FRMD4A: variants seen among roughly 807,000 people sequenced by gnomAD.
FRMD4A encodes FERM domain-containing protein 4A.
A neutral mutation model predicts 129.1 loss-of-function variants in FRMD4A; 29 were observed. The ratio of observed to expected loss-of-function variants is 0.22; its 90% CI spans 0.17 to 0.31. FRMD4A has a LOEUF of 0.31. Ranked by LOEUF, FRMD4A falls within the 10% of genes least tolerant of loss-of-function variation. The probability of loss-of-function intolerance (pLI) is 1.00; values close to 1 mark genes in which losing one functional copy is unlikely to be tolerated. For synonymous variants in FRMD4A, 634 were observed against 571.6 expected, an observed-to-expected ratio of 1.11 and a Z score of -1.56; for missense variants, 1,272 against 1,375.8, an observed-to-expected ratio of 0.92 and a Z score of 1.19.
chr10:14,214,260 C>A (rs1334307674), intron 2 of FRMD4A, among the ~76,000 whole-genome samples: 1 of 152,214 alleles, frequency 6.6e-6, no homozygotes, highest in African/African-American at 2.4e-5. Context: ...CAGAGCCCAG[C>A]CTGCAGAACT....
At chr10:14,280,392 T>C (rs1164285040) in intron 2 of FRMD4A, among the ~76,000 whole-genome samples, 2 of 152,124 alleles carry the variant, frequency 1.3e-5, no homozygotes, top group East Asian at 3.9e-4. Flanking sequence ...GAGATCCTCC[T>C]GCTTCAGCCC....
At chr10:13,991,151 C>T (rs1424515339) in intron 2 of FRMD4A, among the ~76,000 whole-genome samples, 1 of 152,138 alleles carries the variant, frequency 6.6e-6, no homozygotes, top group Non-Finnish European at 1.5e-5. Context: ...TCCCAGGAAG[C>T]TATTGTTATT....
chr10:13,701,581 G>A, intron 13 of FRMD4A, 103 bp from the exon 14 acceptor site: 1 of 1,056,732 alleles, frequency 9.5e-7, no homozygotes, highest in Non-Finnish European at 1.4e-6. Flanking sequence ...TAGAAGCCCT[G>A]GCGTAAAGAT....
intron 2 of FRMD4A, among the ~76,000 whole-genome samples, chr10:14,320,577 C>A (rs1846938382): frequency 6.6e-6 from 1 of 152,214 alleles, no homozygotes; most frequent in African/African-American, 2.4e-5. Flanking sequence ...CTGCCCCTGC[C>A]TCTGATTTCT....
In FRMD4A at chr10:14,265,715, C is replaced by A. The variant is rs141777570; in HGVS notation, c.45+64343G>T. On this transcript the variant is annotated intron_variant, in intron 2 of 24. Transcript: ENST00000357447. ...AGGAATGGTTCTAGGTCATAGGATGCAGCTATGGAATTCTAGGAAATAGAG... is the reference window on the plus strand; with the variant it reads ...AGGAATGGTTCTAGGTCATAGGATGAAGCTATGGAATTCTAGGAAATAGAG... Among the ~76,000 whole-genome samples the A allele has an allele frequency of 1.3e-3, 205 of 152,272 alleles. 2 individuals are homozygous for A. The highest frequency in any genetic ancestry group is 4.0e-3 in the African/African-American group (168 of 41,556).
chr10:14,314,532 G>C (rs72780841), intron 2 of FRMD4A, among the ~76,000 whole-genome samples: 5,410 of 152,168 alleles, frequency 0.036, 151 homozygotes, highest in South Asian at 0.084. Flanking sequence ...CTGATAAAAA[G>C]AAACACAAGG....
chr10:14,250,055 G>A (rs1257728651), intron 2 of FRMD4A, among the ~76,000 whole-genome samples: 1 of 152,054 alleles, frequency 6.6e-6, no homozygotes, highest in African/African-American at 2.4e-5. Context: ...CACCTCCCGG[G>A]TTCAAGTGAA....
intron 8 of FRMD4A, among the ~76,000 whole-genome samples, chr10:13,758,295 C>T (rs749565338): frequency 6.6e-6 from 1 of 152,040 alleles, no homozygotes; most frequent in Non-Finnish European, 1.5e-5. Flanking sequence ...TTATTGGATC[C>T]TCTGGATTTT....
chr10:13,845,681 G>A (rs901450277), intron 3 of FRMD4A, among the ~76,000 whole-genome samples: 5 of 152,128 alleles, frequency 3.3e-5, no homozygotes, highest in African/African-American at 7.2e-5. Flanking sequence ...TCTTGGGGGC[G>A]CTTCAGATGT....
chr10:13,951,640 T>C (rs998131987), intron 2 of FRMD4A, among the ~76,000 whole-genome samples: 2 of 151,562 alleles, frequency 1.3e-5, no homozygotes, highest in Admixed American at 1.3e-4. Flanking sequence ...CTGTAATCCC[T>C]GCCCTTTGGG....
intron 2 of FRMD4A, among the ~76,000 whole-genome samples, chr10:13,882,300 C>T (rs1314711017): frequency 1.3e-5 from 2 of 151,896 alleles, no homozygotes; most frequent in African/African-American, 2.4e-5. Flanking sequence ...ATGTATGGAC[C>T]GAGGCATTGG....
intron 2 of FRMD4A, among the ~76,000 whole-genome samples, chr10:13,883,131 T>C (rs941575365): frequency 2.0e-5 from 3 of 152,140 alleles, no homozygotes; most frequent in Non-Finnish European, 4.4e-5. Flanking sequence ...AGTTGAGTTT[T>C]GTCAGTTCTC....
At chr10:13,794,075 AAGG>A (rs942384874) in intron 5 of FRMD4A, among the ~76,000 whole-genome samples, 1 of 152,060 alleles carries the variant, frequency 6.6e-6, no homozygotes, top group African/African-American at 2.4e-5. Flanking sequence ...TTCAGGTAAT[AAGG>A]AGGAGAGGGC....
chr10:13,737,803 G>T, intron 12 of FRMD4A, 41 bp downstream of exon 12: 1 of 1,064,820 alleles, frequency 9.4e-7, no homozygotes, highest in Non-Finnish European at 1.5e-6. Flanking sequence ...TTCCTCTCTG[G>T]ATCTGAGAGG....
At chr10:13,804,149 G>A (rs1391942734) in intron 4 of FRMD4A, among the ~76,000 whole-genome samples, 2 of 152,148 alleles carry the variant, frequency 1.3e-5, no homozygotes, top group African/African-American at 4.8e-5. Context: ...ACCGAATGCC[G>A]CGTTCCCAGA....
chr10:14,190,500 C>A (rs994779580), intron 2 of FRMD4A, among the ~76,000 whole-genome samples: 9 of 152,102 alleles, frequency 5.9e-5, no homozygotes, highest in African/African-American at 2.2e-4. Context: ...GTAGCTGAGA[C>A]CACCTCTGCC....
chr10:14,274,237 T>C (rs964899701), intron 2 of FRMD4A, among the ~76,000 whole-genome samples: 3 of 152,140 alleles, frequency 2.0e-5, no homozygotes, highest in African/African-American at 7.2e-5. Flanking sequence ...TGTAAGTCGA[T>C]CCCTAGAGGG....
chr10:13,774,906 A>G (rs1357918349), intron 6 of FRMD4A, among the ~76,000 whole-genome samples: 1 of 152,058 alleles, frequency 6.6e-6, no homozygotes, highest in Non-Finnish European at 1.5e-5. Flanking sequence ...TAATAGCATA[A>G]TATTAAAAAA....
chr10:14,194,569 C>A (rs1163912059), intron 2 of FRMD4A, among the ~76,000 whole-genome samples: 1 of 152,140 alleles, frequency 6.6e-6, no homozygotes, highest in Non-Finnish European at 1.5e-5. Context: ...CGAGATCGCA[C>A]CACTGCACTC....
Sources: gnomAD v4.1 joint callset for allele counts (sites outside exome capture counted in the v4.1 genomes callset) on GRCh38, gnomAD v4.1.1 for gene constraint, MANE v1.5 for transcripts, NCBI Gene and HGNC (gene_info 2026-07-23, HGNC 2026-07-21) for gene names.